Variants in RAB38 observed in about 807,000 individuals in gnomAD.
The protein encoded by RAB38 is RAB38, member RAS oncogene family.
RAB38 carries 15 observed loss-of-function variants against 18.4 expected under a neutral mutation model. The observed-to-expected ratio is 0.82, with a 90% CI of 0.55 to 1.26. The LOEUF is 1.26. RAB38 is among the 50% of genes most tolerant of loss of function. RAB38 has a pLI of 0.00. For synonymous variants in RAB38, 101 were observed against 104.4 expected, an observed-to-expected ratio of 0.97 and a Z score of 0.20; for missense variants, 294 against 267.4, an observed-to-expected ratio of 1.10 and a Z score of -0.69.
the RAB38 span, among the ~76,000 whole-genome samples, chr11:87,806,619 T>G: frequency 3.3e-5 from 5 of 152,234 alleles, no homozygotes; most frequent in Admixed American, 3.3e-4. Context: ...ATATCCTGTT[T>G]CATTTGTATT....
At chr11:87,946,050 A>C in the RAB38 span, among the ~76,000 whole-genome samples, 1 of 152,290 alleles carries the variant, frequency 6.6e-6, no homozygotes, top group Non-Finnish European at 1.5e-5. Flanking sequence ...CACACATGCC[A>C]AAGCTAGAAT....
the RAB38 span, among the ~76,000 whole-genome samples, chr11:87,950,538 C>A: frequency 2.6e-5 from 4 of 152,138 alleles, no homozygotes; most frequent in African/African-American, 4.8e-5. Context: ...CGTTCCTTTC[C>A]ATGTTTAGTG....
the RAB38 span, among the ~76,000 whole-genome samples, chr11:87,943,342 G>C: frequency 1.3e-5 from 2 of 152,024 alleles, no homozygotes; most frequent in Admixed American, 6.6e-5. Context: ...TACATGGCTA[G>C]GTTACTTTTT....
chr11:87,834,140 C>T, the RAB38 span, among the ~76,000 whole-genome samples: 1 of 152,094 alleles, frequency 6.6e-6, no homozygotes, highest in South Asian at 2.1e-4. Flanking sequence ...TATGGAAAGT[C>T]GTGGTCCATT....
chr11:87,838,605 G>T, the RAB38 span, among the ~76,000 whole-genome samples: 1 of 152,138 alleles, frequency 6.6e-6, no homozygotes, highest in Non-Finnish European at 1.5e-5. Flanking sequence ...GGGTGGTCTT[G>T]TTGCCTTTAT....
the RAB38 span, among the ~76,000 whole-genome samples, chr11:88,027,555 G>A: frequency 0.021 from 3,225 of 152,276 alleles, 96 homozygotes; most frequent in African/African-American, 0.072. Flanking sequence ...AAAAAACGGC[G>A]CACCAGGAGA....
chr11:87,955,984 T>TGCTTCA, the RAB38 span, among the ~76,000 whole-genome samples: 27 of 152,102 alleles, frequency 1.8e-4, no homozygotes, highest in African/African-American at 5.8e-4. Context: ...ATAAAACTCT[T>TGCTTCA]GCTTCAGTAC....
the RAB38 span, among the ~76,000 whole-genome samples, chr11:88,085,097 A>C: frequency 6.6e-6 from 1 of 151,856 alleles, no homozygotes; most frequent in Non-Finnish European, 1.5e-5. Context: ...CTAGGGATTA[A>C]TGGTTACTAG....
chr11:88,054,189 G>A, the RAB38 span, among the ~76,000 whole-genome samples: 1 of 152,144 alleles, frequency 6.6e-6, no homozygotes, highest in South Asian at 2.1e-4. Context: ...CTGAATGACA[G>A]ATAACATTTT....
the RAB38 span, among the ~76,000 whole-genome samples, chr11:87,883,122 G>A: frequency 6.6e-6 from 1 of 151,804 alleles, no homozygotes; most frequent in Non-Finnish European, 1.5e-5. Flanking sequence ...GTTACTGCAG[G>A]AGGTCACTGT....
At chr11:88,127,285 A>G (rs1292619232) in intron 2 of RAB38, among the ~76,000 whole-genome samples, 3 of 152,202 alleles carry the variant, frequency 2.0e-5, no homozygotes, top group Non-Finnish European at 4.4e-5. Context: ...AAAGATGTGT[A>G]TCAATTATGT....
the RAB38 span, among the ~76,000 whole-genome samples, chr11:87,957,902 C>T: frequency 2.3e-4 from 35 of 152,192 alleles, 1 homozygote; most frequent in African/African-American, 7.9e-4. Flanking sequence ...TTTGGGATAT[C>T]GTGTTCTGAT....
the RAB38 span, among the ~76,000 whole-genome samples, chr11:87,833,382 T>C: frequency 6.6e-6 from 1 of 152,200 alleles, no homozygotes; most frequent in Non-Finnish European, 1.5e-5. Flanking sequence ...TCCTCCACTA[T>C]CCTACCTCCT....
intron 1 of RAB38, among the ~76,000 whole-genome samples, chr11:88,158,285 T>C (rs1028196234): frequency 1.3e-5 from 2 of 151,908 alleles, no homozygotes; most frequent in Non-Finnish European, 2.9e-5. Flanking sequence ...GAATGAGTAA[T>C]AAAGAAACCT....
chr11:88,163,909 T>C (rs931184063), intron 1 of RAB38, among the ~76,000 whole-genome samples: 3 of 151,784 alleles, frequency 2.0e-5, no homozygotes, highest in Admixed American at 6.6e-5. Context: ...TGGATGGAGA[T>C]AAAAAGATCA....
the RAB38 span, among the ~76,000 whole-genome samples, chr11:87,863,475 G>A: frequency 1.3e-5 from 2 of 151,792 alleles, no homozygotes; most frequent in South Asian, 4.1e-4. Flanking sequence ...GGGCTGGAGA[G>A]GGAGGTTACA....
chr11:87,864,778 G>A, the RAB38 span, among the ~76,000 whole-genome samples: 7 of 151,830 alleles, frequency 4.6e-5, no homozygotes, highest in African/African-American at 1.2e-4. Flanking sequence ...TGAAAGAAAC[G>A]AGTTAGACAA....
chr11:88,035,228 T>C, the RAB38 span, among the ~76,000 whole-genome samples: 1 of 152,214 alleles, frequency 6.6e-6, no homozygotes, highest in Admixed American at 6.5e-5. Flanking sequence ...TTTTGATGAA[T>C]AAAGTTTTTA....
the RAB38 span, among the ~76,000 whole-genome samples, chr11:87,950,270 C>A: frequency 0.25 from 38,369 of 151,752 alleles, 5,233 homozygotes; most frequent in South Asian, 0.36. Context: ...TTATTTTGAG[C>A]CTATGTGTGT....
Sources: allele counts gnomAD v4.1 joint callset (sites outside exome capture counted in the v4.1 genomes callset), GRCh38; gene constraint gnomAD v4.1.1; transcripts MANE v1.5; gene names NCBI Gene and HGNC (gene_info 2026-07-23, HGNC 2026-07-21).